IL7: variants seen among roughly 807,000 people sequenced by gnomAD.
IL7 encodes the protein interleukin 7.
In IL7, 3 loss-of-function variants were observed where a neutral mutation model predicts 21.6. The ratio of observed to expected loss-of-function variants is 0.14; its 90% CI spans 0.06 to 0.36. IL7 has a LOEUF of 0.36. Among genes scored for constraint, IL7 ranks in the 10% least tolerant of loss-of-function variants. The pLI is 1.00. For synonymous variants in IL7, 62 were observed against 68.1 expected (o/e 0.91, Z 0.44); for missense variants, 175 against 200.2 (o/e 0.87, Z 0.76).
chr8:78,799,139 T>A (rs2130847297), intron 1 of IL7, among the ~76,000 whole-genome samples: 1 of 152,282 alleles, frequency 6.6e-6, no homozygotes, highest in African/African-American at 2.4e-5. Context: ...CTGAGGCATG[T>A]TGACAATGTA....
chr8:78,731,065 C>T (rs553629167), downstream of IL7, among the ~76,000 whole-genome samples: 22 of 152,012 alleles, frequency 1.4e-4, no homozygotes, highest in Non-Finnish European at 2.9e-4. Context: ...GTACAAGATA[C>T]GTGTTTCTAG....
intron 2 of IL7, among the ~76,000 whole-genome samples, chr8:78,759,329 A>G (rs1237110891): frequency 6.6e-6 from 1 of 151,646 alleles, no homozygotes; most frequent in African/African-American, 2.4e-5. Flanking sequence ...ATTTTTCTAG[A>G]TAAACCACAA....
chr8:78,705,080 A>G (rs966461211), intron 3 of IL7, among the ~76,000 whole-genome samples: 1 of 152,144 alleles, frequency 6.6e-6, no homozygotes, highest in African/African-American at 2.4e-5. Flanking sequence ...TCCTGTCCGT[A>G]TCCTGAATTC....
chr8:78,715,177 C>T (rs935436948), downstream of IL7: 3 of 1,539,478 alleles, frequency 1.9e-6, no homozygotes. Flanking sequence ...GAAATACATG[C>T]TCACTGTTCA....
At chr8:78,762,523 C>G in intron 2 of IL7, 2 of 743,204 alleles carry the variant, frequency 2.7e-6, no homozygotes, top group Non-Finnish European at 3.6e-6. Context: ...GGAGCCAGGC[C>G]GGCCGGCCGG....
chr8:78,692,649 A>C (rs1563629846), intron 3 of IL7, among the ~76,000 whole-genome samples: 2 of 152,090 alleles, frequency 1.3e-5, no homozygotes, highest in Non-Finnish European at 2.9e-5. Flanking sequence ...GGTTTCCAGT[A>C]ATCTTTTTGT....
chr8:78,718,642 A>G (rs1165670005), intron 6 of IL7: 1 of 151,884 alleles, frequency 6.6e-6, no homozygotes, highest in African/African-American at 2.4e-5. Flanking sequence ...TATTGTTTTA[A>G]TGCATAATTG....
At chr8:78,677,666 A>G (rs942139281) in intron 4 of IL7, among the ~76,000 whole-genome samples, 6 of 151,690 alleles carry the variant, frequency 4.0e-5, no homozygotes, top group Non-Finnish European at 8.8e-5. Flanking sequence ...TTTGCAGTGT[A>G]GTAACTTTGA....
intron 4 of IL7, among the ~76,000 whole-genome samples, chr8:78,682,481 CT>C (rs1374904086): frequency 6.6e-6 from 1 of 152,100 alleles, no homozygotes; most frequent in African/African-American, 2.4e-5. Context: ...GGGAACTTCC[CT>C]TTTTAATAAA....
chr8:78,790,072 TGGAATAGAGTCACAGTTAAAGA>T lies in IL7; in HGVS notation c.147+7978_147+7999del, dbSNP rs138117267. ...CAGAAGTTGAATCTGTGAAAGCCTC[TGGAATAGAGTCACAGTTAAAGA>T]TATTGGAAGTTGTGAAAGTATATTA... On this transcript the variant is annotated intron_variant, in intron 2 of 5. Transcript: ENST00000263851. Among the ~76,000 whole-genome samples the T allele has an allele frequency of 9.2e-3, 1,394 of 152,304 alleles. 23 individuals are homozygous for T. The highest frequency in any genetic ancestry group is 0.031 in the African/African-American group (1,301 of 41,564).
intron 3 of IL7, chr8:78,712,128 T>A: frequency 8.0e-7 from 1 of 1,247,902 alleles, no homozygotes; most frequent in Non-Finnish European, 1.0e-6. Context: ...TAACTCAGTT[T>A]GGTTAATATT....
At position 78,682,338 on chromosome 8, in the gene IL7, G is replaced by A. The variant is rs115649764; in HGVS notation, n.273+3551C>T. ...TTTCCTACTGCTATTAAGAAATATCGGAGACTGGGTAATTTATAAAGAAAA... is the reference window on the plus strand; with the variant it reads ...TTTCCTACTGCTATTAAGAAATATCAGAGACTGGGTAATTTATAAAGAAAA... On this transcript the variant is annotated intron_variant and non_coding_transcript_variant, in intron 4 of 4. Transcript: ENST00000523959. 6.2e-3 allele frequency among the ~76,000 whole-genome samples: 947 copies of A among 151,978 alleles called. 12 individuals are homozygous for A. Among genetic ancestry groups the A allele is most frequent in the African/African-American group, 0.021 (884 of 41,326 alleles).
Position 78,805,312 on chromosome 8 carries a change from T to G in IL7, c.-390A>C. On this transcript the variant is annotated 5_prime_UTR_variant, in exon 1 of 6. Coordinates refer to ENST00000263851, the MANE Select transcript of IL7 (RefSeq NM_000880.4). ...GATGAGGACCAGAGGAATTCGCGAA[T>G]TTCCGAATCACCGCAGGAAAAACCA... 5.6e-6 allele frequency: 1 copy of G among 179,602 alleles called. No individual in the cohort carries two copies. Among genetic ancestry groups the G allele is most frequent in the Non-Finnish European group, 1.2e-5 (1 of 85,858 alleles). The allele number at this position is 179,602 out of a possible 1,614,324, so 11.1% of individuals were successfully genotyped here.
At position 78,712,041 on chromosome 8, in the gene IL7, GT is replaced by G. The variant is rs781401528; in HGVS notation, n.214+9306del. 7 of 1,289,552 alleles carry G rather than the reference GT, an allele frequency of 5.4e-6. No homozygotes were observed. The South Asian group carries it at 8.6e-5, about 16-fold the overall frequency. 79.9% of individuals were successfully genotyped at this position (1,289,552 alleles called of 1,614,324 possible). On this transcript the variant is annotated intron_variant and non_coding_transcript_variant, in intron 3 of 4. Coordinates refer to the IL7 transcript ENST00000523959. ...TTCGAACGGGAAGACTTGTGCAAAG[GT>G]TGTATGACAGTGATACAAAATCAGA...
intron 3 of IL7, among the ~76,000 whole-genome samples, chr8:78,724,766 T>C (rs898680315): frequency 2.0e-5 from 3 of 152,082 alleles, no homozygotes; most frequent in Non-Finnish European, 2.9e-5. Flanking sequence ...TCTATTCTCA[T>C]GCCGTTCCCT....
At chr8:78,766,475 A>G (rs1812756837) in intron 2 of IL7, among the ~76,000 whole-genome samples, 1 of 152,112 alleles carries the variant, frequency 6.6e-6, no homozygotes, top group Non-Finnish European at 1.5e-5. Context: ...TATGCGTGTT[A>G]GGTCTGCAGG....
chr8:78,745,854 T>G (rs1309991918), intron 2 of IL7, among the ~76,000 whole-genome samples: 4 of 152,212 alleles, frequency 2.6e-5, no homozygotes, highest in African/African-American at 4.8e-5. Context: ...TTGCCTCTTC[T>G]ATCTTCTGGT....
intron 2 of IL7, among the ~76,000 whole-genome samples, chr8:78,777,813 C>T (rs143484170): frequency 2.9e-4 from 44 of 152,106 alleles, no homozygotes; most frequent in South Asian, 4.2e-4. Context: ...TTTTATATGG[C>T]GCATATGAAT....
intron 2 of IL7, among the ~76,000 whole-genome samples, chr8:78,766,452 A>T (rs969010328): frequency 6.6e-6 from 1 of 152,136 alleles, no homozygotes; most frequent in Non-Finnish European, 1.5e-5. Context: ...CTTTCAGCTC[A>T]GCATCCTATG....
Sources: gnomAD v4.1 joint callset for allele counts (sites outside exome capture counted in the v4.1 genomes callset) on GRCh38, gnomAD v4.1.1 for gene constraint, MANE v1.5 for transcripts, NCBI Gene and HGNC (gene_info 2026-07-23, HGNC 2026-07-21) for gene names.